Variants in PRSS3 observed in about 807,000 individuals in gnomAD.
The protein encoded by PRSS3 is serine protease 3.
In PRSS3, 14 loss-of-function variants were observed where a neutral mutation model predicts 20.8. The observed-to-expected ratio is 0.67, with a 90% CI of 0.44 to 1.05. The LOEUF (loss-of-function observed/expected upper bound fraction) is 1.05. Ranked by LOEUF, PRSS3 falls within the 50% of genes least tolerant of loss-of-function variation. The pLI is 0.00. For missense variants in PRSS3, 237 were observed against 306.4 expected (o/e 0.77, Z 1.69); for synonymous variants, 91 against 117.6 (o/e 0.77, Z 1.46).
intron 1 of PRSS3, among the ~76,000 whole-genome samples, chr9:33,762,990 AAGG>A (rs1823270348): frequency 6.6e-6 from 1 of 152,170 alleles, no homozygotes; most frequent in Non-Finnish European, 1.5e-5. Flanking sequence ...CCTGTTTTAG[AAGG>A]AGGAGTACTG....
chr9:33,788,896 G>C (rs1824518644), intron 1 of PRSS3, among the ~76,000 whole-genome samples: 1 of 151,930 alleles, frequency 6.6e-6, no homozygotes, highest in African/African-American at 2.4e-5. Flanking sequence ...TAAAACTACT[G>C]TTTAGTTTAC....
intron 1 of PRSS3, among the ~76,000 whole-genome samples, chr9:33,796,293 A>G (rs1028474381): frequency 6.6e-6 from 1 of 152,234 alleles, no homozygotes; most frequent in African/African-American, 2.4e-5. Context: ...TCAAATAGCC[A>G]GGGCAAGTAC....
intron 1 of PRSS3, among the ~76,000 whole-genome samples, chr9:33,756,762 T>A (rs576190043): frequency 9.2e-5 from 14 of 152,338 alleles, no homozygotes; most frequent in Non-Finnish European, 1.8e-4. Context: ...TATCTTCTCT[T>A]ATTTCTCTGA....
intron 4 of PRSS3, 149 bp from the exon 5 acceptor site, chr9:33,798,879 T>G (rs1825177636): frequency 1.0e-5 from 12 of 1,175,306 alleles, no homozygotes; most frequent in Non-Finnish European, 1.5e-5. Context: ...GCACGCTGCC[T>G]GCTTAGGAAG....
chr9:33,786,291 T>C (rs1178448804), intron 1 of PRSS3: 2 of 566,954 alleles, frequency 3.5e-6, no homozygotes, highest in African/African-American at 1.9e-5. Flanking sequence ...GGGTTAATGT[T>C]AATGCTGGGT....
chr9:33,791,086 G>A (rs1273737054), upstream of PRSS3, among the ~76,000 whole-genome samples: 7 of 152,210 alleles, frequency 4.6e-5, no homozygotes. Flanking sequence ...CTAGATAGGA[G>A]GAATAACTTC....
chr9:33,780,448 A>G (rs1176824960), intron 1 of PRSS3, among the ~76,000 whole-genome samples: 2 of 152,220 alleles, frequency 1.3e-5, no homozygotes, highest in Non-Finnish European at 2.9e-5. Context: ...CTGCTGCCAT[A>G]AAACACTTGA....
chr9:33,794,878 G>A (rs1824830031), upstream of PRSS3: 2 of 1,550,812 alleles, frequency 1.3e-6, no homozygotes, highest in Non-Finnish European at 1.7e-6. Flanking sequence ...CACTGAGTAA[G>A]CTCCTACCTA....
intron 1 of PRSS3, among the ~76,000 whole-genome samples, chr9:33,768,847 C>T (rs1284147172): frequency 1.3e-5 from 2 of 152,098 alleles, no homozygotes; most frequent in Non-Finnish European, 1.5e-5. Flanking sequence ...CAGAGAGAAA[C>T]TCCGTCTCCA....
upstream of PRSS3, among the ~76,000 whole-genome samples, chr9:33,794,300 C>G (rs533925778): frequency 6.6e-6 from 1 of 152,336 alleles, no homozygotes; most frequent in Non-Finnish European, 1.5e-5. Flanking sequence ...CCAACCTGAG[C>G]TCAGAGTTGC....
intron 1 of PRSS3, among the ~76,000 whole-genome samples, chr9:33,773,213 TGAGA>T (rs146480883): frequency 2.7e-5 from 4 of 149,280 alleles, no homozygotes; most frequent in Non-Finnish European, 4.5e-5. Context: ...TTATCTCAAA[TGAGA>T]GAGAGAGAGA....
intron 1 of PRSS3, among the ~76,000 whole-genome samples, chr9:33,768,404 T>C (rs1358940083): frequency 1.3e-5 from 2 of 150,552 alleles, no homozygotes; most frequent in Non-Finnish European, 3.0e-5. Context: ...TGCTTGAACC[T>C]GAGAGGCAGA....
At chr9:33,781,084 G>T (rs1310210837) in intron 1 of PRSS3, among the ~76,000 whole-genome samples, 1 of 152,200 alleles carries the variant, frequency 6.6e-6, no homozygotes, top group Non-Finnish European at 1.5e-5. Flanking sequence ...CTTATACATT[G>T]TTGGTGGAAA....
At chr9:33,795,415 AC>A, upstream of PRSS3, 2 of 1,013,766 alleles carry the variant, frequency 2.0e-6, no homozygotes, top group Non-Finnish European at 3.0e-6. Context: ...GAGTGGCCAA[AC>A]GTAGCCGAGC....
At chr9:33,780,182 A>G (rs1247849226) in intron 1 of PRSS3, among the ~76,000 whole-genome samples, 1 of 152,182 alleles carries the variant, frequency 6.6e-6, no homozygotes, top group Non-Finnish European at 1.5e-5. Context: ...GGGTCAAGTC[A>G]CATACAGAGG....
intron 1 of PRSS3, among the ~76,000 whole-genome samples, chr9:33,765,952 T>C (rs1033932530): frequency 1.3e-5 from 2 of 152,012 alleles, no homozygotes; most frequent in Non-Finnish European, 2.9e-5. Flanking sequence ...ATCCACACAA[T>C]GGAATATTAT....
chr9:33,789,470 C>T (rs141493808), intron 1 of PRSS3, among the ~76,000 whole-genome samples: 1 of 152,224 alleles, frequency 6.6e-6, no homozygotes, highest in East Asian at 1.9e-4. Flanking sequence ...AAATAATATT[C>T]TTTGTTAACT....
chr9:33,782,403 A>G (rs1824225234), intron 1 of PRSS3, among the ~76,000 whole-genome samples: 1 of 152,234 alleles, frequency 6.6e-6, no homozygotes. Context: ...ACAAACCTGC[A>G]TATGTACCCC....
chr9:33,779,479 C>CA (rs1235463121), intron 1 of PRSS3, among the ~76,000 whole-genome samples: 2 of 152,106 alleles, frequency 1.3e-5, no homozygotes, highest in African/African-American at 4.8e-5. Context: ...TATTAATTAA[C>CA]AGCAGAACAG....
Sources: gnomAD v4.1 joint callset for allele counts (sites outside exome capture counted in the v4.1 genomes callset) on GRCh38, gnomAD v4.1.1 for gene constraint, MANE v1.5 for transcripts, NCBI Gene and HGNC (gene_info 2026-07-23, HGNC 2026-07-21) for gene names.